The following IRF3 variants were observed in gnomAD, a reference collection of about 807,000 sequenced individuals.
The protein encoded by IRF3 is interferon regulatory factor 3.
Under a neutral mutation model 43.2 loss-of-function variants are expected in IRF3, and 29 were observed. That is an observed-to-expected ratio of 0.67 (90% confidence interval 0.50 to 0.91). The LOEUF (loss-of-function observed/expected upper bound fraction) is 0.91. Ranked by LOEUF, IRF3 falls within the 40% of genes least tolerant of loss-of-function variation. The pLI, the probability that IRF3 is intolerant of heterozygous loss-of-function variation, is 0.00. For synonymous variants in IRF3, 228 were observed against 233.9 expected, an observed-to-expected ratio of 0.97 and a Z score of 0.23; for missense variants, 505 against 559.1, an observed-to-expected ratio of 0.90 and a Z score of 0.98.
chr19:49,664,750 C>G lies in IRF3; in HGVS notation c.89G>C (p.Ser30Thr), dbSNP rs775617534. The part of the protein sequence containing the change: ...QLEGVAWVNK[S>T]RTRFRIPWKH... ...CCAAGGGATGCGGAAGCGCGTGCGGCTCTTGTTCACCCAGGCCACGCCCTC... is the reference window on the plus strand; with the variant it reads ...CCAAGGGATGCGGAAGCGCGTGCGGGTCTTGTTCACCCAGGCCACGCCCTC... The change falls in exon 2 of 8, where the codon AGC becomes ACC. Residue 30 changes from serine (S) to threonine (T), a missense_variant. Coordinates refer to ENST00000377139, the MANE Select transcript of IRF3 (RefSeq NM_001571.6). 3 of 1,614,066 alleles carry G rather than the reference C, an allele frequency of 1.9e-6. No homozygotes were observed. The highest frequency in any genetic ancestry group is 1.1e-5 in the South Asian group (1 of 91,090).
chr19:49,660,027 A>ACACACACACACACACACACACACCCC (rs57168131), intron 7 of IRF3, among the ~76,000 whole-genome samples, 194 bp from the exon 8 acceptor site: 3 of 74,750 alleles, frequency 4.0e-5, no homozygotes, highest in African/African-American at 3.0e-4. Flanking sequence ...ACACACACAC[A>ACACACACACACACACACACACACCCC]CCCCCTGCTG....
At chr19:49,665,297 C>G (rs2081627499) in intron 1 of IRF3, 1 of 178,000 alleles carries the variant, frequency 5.6e-6, no homozygotes, top group African/African-American at 2.4e-5. Context: ...ATTTCCAACA[C>G]AGAACTTCCA....
At chr19:49,665,311 A>G (rs1264120119) in intron 1 of IRF3, 1 of 174,378 alleles carries the variant, frequency 5.7e-6, no homozygotes, top group Admixed American at 5.6e-5. Context: ...ACTTCCATTC[A>G]ATTCCCCTCC....
intron 7 of IRF3, among the ~76,000 whole-genome samples, 194 bp from the exon 8 acceptor site, chr19:49,660,027 A>ACACACACACACACACCCCC (rs57168131): frequency 1.3e-5 from 1 of 74,716 alleles, no homozygotes; most frequent in African/African-American, 9.9e-5. Context: ...ACACACACAC[A>ACACACACACACACACCCCC]CCCCCTGCTG....
chr19:49,659,894 G>A, intron 7 of IRF3, 61 bp from the exon 8 acceptor site: 1 of 1,524,794 alleles, frequency 6.6e-7, no homozygotes, highest in East Asian at 2.3e-5. Context: ...ACCAAGGTAG[G>A]AGTCAGGGCT....
chr19:49,662,680 G>T, intron 4 of IRF3, 63 bp from the exon 5 acceptor site: 1 of 1,328,410 alleles, frequency 7.5e-7, no homozygotes, highest in Non-Finnish European at 1.0e-6. Flanking sequence ...ACTTCATATG[G>T]ACCAGGTCTG....
At chr19:49,664,554 A>G (rs1323149041) in intron 2 of IRF3, 120 bp downstream of exon 2, 1 of 1,408,252 alleles carries the variant, frequency 7.1e-7, no homozygotes, top group South Asian at 1.1e-5. Context: ...CCCACCCACC[A>G]GCGTTGGCAC....
In IRF3 at chr19:49,662,616, T is replaced by C; in HGVS notation, c.410A>G (p.Glu137Gly). Reference sequence around the variant, plus strand: ...ACCCAGTAACTCATCCAGAATGTCTTCCTGGAGGGAAACAAAAAAAGAGAA... The same window carrying C: ...ACCCAGTAACTCATCCAGAATGTCTCCCTGGAGGGAAACAAAAAAAGAGAA... ...NGGGSTSDTQEDILDELLGNM... is the reference protein window; with the variant it reads ...NGGGSTSDTQGDILDELLGNM... Residue 137 changes from glutamate to glycine, a missense_variant and splice_region_variant, in exon 5 of 8, where the codon GAA (glutamate) becomes GGA (glycine). Transcript: ENST00000377139. The C allele has an allele frequency of 1.3e-6, 2 of 1,527,912 alleles. No homozygotes were observed. Among genetic ancestry groups the C allele is most frequent in the South Asian group, 2.5e-5 (2 of 79,968 alleles). The allele number at this position is 1,527,912 out of a possible 1,614,324, so 94.6% of individuals were successfully genotyped here.
rs1168224836 is a variant in IRF3, at chr19:49,661,805, T to C, written c.982+143A>G. 5.2e-6 allele frequency: 5 copies of C among 969,444 alleles called. No individual in the cohort carries two copies. In the East Asian group the frequency reaches 9.8e-5, roughly 19 times the overall value. 60.1% of individuals were successfully genotyped at this position (969,444 alleles called of 1,614,324 possible). On this transcript the variant is annotated intron_variant, in intron 6 of 7. Coordinates refer to ENST00000377139, the MANE Select transcript of IRF3 (RefSeq NM_001571.6). ...TATGTTGACCAGGCTGGTCTCGAAC[T>C]CCTGAACTTGTCATCTGCCCACCTC... is the stretch of plus-strand genomic sequence containing the variant.
At chr19:49,664,985 C>T in intron 1 of IRF3, 139 bp from the exon 2 acceptor site, 1 of 852,726 alleles carries the variant, frequency 1.2e-6, no homozygotes, top group Non-Finnish European at 1.8e-6. Flanking sequence ...AAACAGGAAA[C>T]CTCCTCTTCC....
At chr19:49,662,357 G>A in intron 5 of IRF3, 29 bp from the exon 6 acceptor site, 1 of 1,609,584 alleles carries the variant, frequency 6.2e-7, no homozygotes, top group South Asian at 1.1e-5. Context: ...GGCATGAAGG[G>A]GAGAGGGGTT....
chr19:49,665,134 A>C, intron 1 of IRF3: 11 of 357,834 alleles, frequency 3.1e-5, no homozygotes, highest in East Asian at 1.5e-4. Flanking sequence ...CCTCCCCCAC[A>C]TCATCGAAAG....
At chr19:49,664,384 A>T (rs1375889391) in intron 2 of IRF3, 14 of 1,266,708 alleles carry the variant, frequency 1.1e-5, no homozygotes, top group African/African-American at 1.5e-5. Context: ...CCTACAACCA[A>T]GAGCCCCGGC....
At chr19:49,663,696 A>G in intron 2 of IRF3, 182 bp from the exon 3 acceptor site, 1 of 607,942 alleles carries the variant, frequency 1.6e-6, no homozygotes, top group African/African-American at 1.9e-5. Flanking sequence ...AGTTTTCAAA[A>G]GGCTTTTTTT....
rs752222408 is a variant in IRF3 at position 49,662,577 on chromosome 19, G to A, written c.449C>T (p.Ala150Val). 2 of 1,527,974 alleles carry A rather than the reference G, an allele frequency of 1.3e-6. No individual in the cohort carries two copies. Among genetic ancestry groups the A allele is most frequent in the East Asian group, 2.4e-5 (1 of 41,044 alleles). 94.7% of individuals were successfully genotyped at this position (1,527,974 alleles called of 1,614,324 possible). Residue 150 changes from alanine (A) to valine (V), a missense_variant, in exon 5 of 8, where the codon GCC (alanine) becomes GTC (valine). Transcript: ENST00000377139. Reference sequence around the variant, plus strand: ...TGGGGGTCCCGGATCTGGGAGTGGGGCCAACACCATGTTACCCAGTAACTC... The same window carrying A: ...TGGGGGTCCCGGATCTGGGAGTGGGACCAACACCATGTTACCCAGTAACTC... ...LDELLGNMVL[A>V]PLPDPGPPSL...
At chr19:49,663,315 C>T (rs1411339960) in intron 3 of IRF3, 28 bp downstream of exon 3, 1 of 1,614,138 alleles carries the variant, frequency 6.2e-7, no homozygotes, top group African/African-American at 1.3e-5. Context: ...GGGCCCCAGC[C>T]TCCCACACGA....
In IRF3 at chr19:49,662,504, G is replaced by A. The variant is rs1308565633; in HGVS notation, c.522C>T (p.Pro174=). ...PEPCPQPLRS[P]SLDNPTPFPN... ...GGAAGGGAGTGGGATTGTCCAAGCTGGGGCTCCGCAGGGGCTGAGGGCAGG... is the reference window on the plus strand; with the variant it reads ...GGAAGGGAGTGGGATTGTCCAAGCTAGGGCTCCGCAGGGGCTGAGGGCAGG... The change falls in exon 5 of 8, where the codon CCC becomes CCT. Residue 174 remains proline (P), a synonymous_variant. Transcript: ENST00000377139. 6.4e-7 allele frequency: 1 copy of A among 1,565,468 alleles called. No homozygotes were observed. Among genetic ancestry groups the A allele is most frequent in the Non-Finnish European group, 8.6e-7 (1 of 1,158,400 alleles).
intron 6 of IRF3, 95 bp from the exon 7 acceptor site, chr19:49,660,923 C>T: frequency 7.1e-7 from 1 of 1,405,948 alleles, no homozygotes; most frequent in Admixed American, 2.2e-5. Flanking sequence ...CCTCCCCTGA[C>T]CTAAGGCCCT....
At chr19:49,665,203 G>C (rs903887571) in intron 1 of IRF3, 1 of 244,628 alleles carries the variant, frequency 4.1e-6, no homozygotes, top group Non-Finnish European at 8.1e-6. Context: ...GTGCAGAATC[G>C]ATTCACGTGT....
Sources: allele counts gnomAD v4.1 joint callset (sites outside exome capture counted in the v4.1 genomes callset), GRCh38; gene constraint gnomAD v4.1.1; transcripts MANE v1.5; gene names NCBI Gene and HGNC (gene_info 2026-07-23, HGNC 2026-07-21).